Variants in CCDC169 observed in about 807,000 individuals in gnomAD.
CCDC169 encodes the protein coiled-coil domain-containing protein 169.
Under a neutral mutation model 36.0 loss-of-function variants are expected in CCDC169, and 30 were observed. The observed-to-expected ratio is 0.83, with a 90% CI of 0.62 to 1.13. The LOEUF (loss-of-function observed/expected upper bound fraction) is 1.13, where lower values mean the gene tolerates loss of function less well. Ranked by LOEUF, CCDC169 falls within the 50% of genes most tolerant of loss-of-function variation. The probability of loss-of-function intolerance (pLI) is 0.00; values close to 1 mark genes in which losing one functional copy is unlikely to be tolerated. For synonymous variants in CCDC169, 85 were observed against 81.5 expected, an observed-to-expected ratio of 1.04 and a Z score of -0.23; for missense variants, 245 against 245.9, an observed-to-expected ratio of 1.00 and a Z score of 0.03.
chr13:36,224,690 C>T (rs941552237), downstream of CCDC169: 6 of 152,122 alleles, frequency 3.9e-5, no homozygotes, highest in African/African-American at 1.2e-4. Context: ...GTGGAAGAAT[C>T]AATATTGTTA....
intron 4 of CCDC169, among the ~76,000 whole-genome samples, chr13:36,256,678 G>A (rs1873923926): frequency 6.6e-6 from 1 of 152,166 alleles, no homozygotes; most frequent in African/African-American, 2.4e-5. Flanking sequence ...AGTGATCAAG[G>A]ACTGACCTCC....
At chr13:36,255,073 G>A (rs993787433) in intron 4 of CCDC169, among the ~76,000 whole-genome samples, 5 of 152,120 alleles carry the variant, frequency 3.3e-5, no homozygotes, top group Admixed American at 1.3e-4. Flanking sequence ...TGGACATGGC[G>A]GTCATCCAGC....
intron 6 of CCDC169, among the ~76,000 whole-genome samples, chr13:36,251,223 T>C (rs1400458774): frequency 6.6e-6 from 1 of 152,180 alleles, no homozygotes; most frequent in Non-Finnish European, 1.5e-5. Flanking sequence ...ACTCAGCAAA[T>C]AGCTCTAGTT....
chr13:36,243,627 A>G (rs1024386699), intron 7 of CCDC169, among the ~76,000 whole-genome samples: 3 of 152,016 alleles, frequency 2.0e-5, no homozygotes, highest in African/African-American at 7.2e-5. Flanking sequence ...ATCAACATGA[A>G]GAAACCCTGT....
intron 4 of CCDC169, among the ~76,000 whole-genome samples, chr13:36,277,587 G>C (rs1195684495): frequency 6.6e-6 from 1 of 152,120 alleles, no homozygotes; most frequent in Admixed American, 6.6e-5. Context: ...GTCCCGTTTT[G>C]GTGAATGCAC....
chr13:36,241,494 C>T (rs780661379), intron 7 of CCDC169, among the ~76,000 whole-genome samples: 1 of 152,190 alleles, frequency 6.6e-6, no homozygotes, highest in Non-Finnish European at 1.5e-5. Flanking sequence ...AATGGGATCA[C>T]ATTGTACATA....
chr13:36,233,391 A>C (rs1293319993), intron 7 of CCDC169, among the ~76,000 whole-genome samples: 4 of 152,132 alleles, frequency 2.6e-5, no homozygotes, highest in African/African-American at 9.7e-5. Context: ...TCCAGTTTTC[A>C]AAACAAAATT....
chr13:36,258,272 T>C (rs1421518627), intron 4 of CCDC169, among the ~76,000 whole-genome samples: 1 of 152,190 alleles, frequency 6.6e-6, no homozygotes, highest in Non-Finnish European at 1.5e-5. Flanking sequence ...GCCTGTCTGC[T>C]GAGTCCTGCT....
At chr13:36,246,852 C>G (rs1369893135) in intron 7 of CCDC169, among the ~76,000 whole-genome samples, 1 of 152,120 alleles carries the variant, frequency 6.6e-6, no homozygotes, top group Non-Finnish European at 1.5e-5. Context: ...TGGAGATACC[C>G]CTATCTCAGC....
downstream of CCDC169, chr13:36,224,872 A>G (rs1869781025): frequency 6.6e-6 from 1 of 152,196 alleles, no homozygotes; most frequent in South Asian, 2.1e-4. Flanking sequence ...GTGGCAACAC[A>G]TTACCAGACT....
intron 7 of CCDC169, among the ~76,000 whole-genome samples, chr13:36,243,575 G>A (rs1872123602): frequency 6.6e-6 from 1 of 152,046 alleles, no homozygotes; most frequent in Non-Finnish European, 1.5e-5. Flanking sequence ...GGAAGGCCAA[G>A]GCAGGCGGAT....
intron 1 of CCDC169, among the ~76,000 whole-genome samples, chr13:36,297,180 A>G (rs1038113529): frequency 2.0e-5 from 3 of 152,220 alleles, no homozygotes; most frequent in African/African-American, 4.8e-5. Flanking sequence ...AACACGAAGT[A>G]CGAATACTGT....
chr13:36,247,937 C>G lies in CCDC169; in HGVS notation c.545+669G>C, dbSNP rs1872696110. 2.0e-5 allele frequency among the ~76,000 whole-genome samples: 3 copies of G among 152,274 alleles called. No individual in the cohort carries two copies. The South Asian group carries it at 6.2e-4, about 32-fold the overall frequency. On this transcript the variant is annotated intron_variant, in intron 7 of 7. Coordinates refer to ENST00000239859, the MANE Select transcript of CCDC169 (RefSeq NM_001144981.3). ...TTCATAAAAGAGTCAATCGGTGCAGCAAACTTCGTTGTTGCCCTATTTTCA... is the reference window on the plus strand; with the variant it reads ...TTCATAAAAGAGTCAATCGGTGCAGGAAACTTCGTTGTTGCCCTATTTTCA...
In CCDC169 at chr13:36,238,169, T is replaced by C. The variant is rs116657753; in HGVS notation, c.546-6877A>G. On this transcript the variant is annotated intron_variant, in intron 7 of 7. Transcript: ENST00000239859. ...AACTGCTCATTCATACAGGCTTTCTTTTTGGGGTGATGAAAATGTTCTGGA... is the reference window on the plus strand; with the variant it reads ...AACTGCTCATTCATACAGGCTTTCTCTTTGGGGTGATGAAAATGTTCTGGA... Among the ~76,000 whole-genome samples the C allele has an allele frequency of 3.9e-3, 599 of 152,288 alleles. 7 individuals carry two copies. The highest frequency in any genetic ancestry group is 0.014 in the African/African-American group (565 of 41,564).
chr13:36,278,713 T>A (rs930338265), intron 4 of CCDC169, among the ~76,000 whole-genome samples: 2 of 152,122 alleles, frequency 1.3e-5, no homozygotes, highest in Admixed American at 6.6e-5. Context: ...TCCCCAGGGT[T>A]TCAACCTCAA....
chr13:36,249,068 G>C (rs1872831182), intron 6 of CCDC169, among the ~76,000 whole-genome samples: 1 of 152,140 alleles, frequency 6.6e-6, no homozygotes, highest in African/African-American at 2.4e-5. Context: ...AGAAAGACAA[G>C]ATAATATTTT....
downstream of CCDC169, among the ~76,000 whole-genome samples, chr13:36,229,540 G>GTTTTTTTT (rs10665867): frequency 7.5e-6 from 1 of 133,464 alleles, no homozygotes; most frequent in African/African-American, 2.8e-5. Flanking sequence ...TTATAATAAT[G>GTTTTTTTT]TTTTTTTTTT....
At chr13:36,235,748 T>A (rs9531647) in intron 7 of CCDC169, among the ~76,000 whole-genome samples, 61,452 of 151,592 alleles carry the variant, frequency 0.41, 13,215 homozygotes, top group Non-Finnish European at 0.48. Context: ...GCATACACAT[T>A]CACATACAGA....
intron 7 of CCDC169, among the ~76,000 whole-genome samples, chr13:36,239,286 T>C (rs1871467856): frequency 6.6e-6 from 1 of 151,772 alleles, no homozygotes; most frequent in Non-Finnish European, 1.5e-5. Flanking sequence ...TCAATATGCA[T>C]CACACATAGT....
Sources: gnomAD v4.1 joint callset for allele counts (sites outside exome capture counted in the v4.1 genomes callset) on GRCh38, gnomAD v4.1.1 for gene constraint, MANE v1.5 for transcripts, NCBI Gene and HGNC (gene_info 2026-07-23, HGNC 2026-07-21) for gene names.